The following ROBO2 variants were observed in gnomAD, a reference collection of about 807,000 sequenced individuals.
The protein encoded by ROBO2 is roundabout guidance receptor 2.
In ROBO2, 53 loss-of-function variants were observed where a neutral mutation model predicts 160.8. The observed-to-expected ratio is 0.33, with a 90% CI of 0.26 to 0.41. The LOEUF is 0.41. Among genes scored for constraint, ROBO2 ranks in the 10% least tolerant of loss-of-function variants. The pLI, the probability that ROBO2 is intolerant of heterozygous loss-of-function variation, is 1.00. For synonymous variants in ROBO2, 664 were observed against 611.7 expected, an observed-to-expected ratio of 1.09 and a Z score of -1.26; for missense variants, 1,577 against 1,722.4, an observed-to-expected ratio of 0.92 and a Z score of 1.49.
At chr3:77,329,281 C>T (rs1027806266) in intron 2 of ROBO2, among the ~76,000 whole-genome samples, 1 of 152,176 alleles carries the variant, frequency 6.6e-6, no homozygotes, top group East Asian at 1.9e-4. Context: ...TAGACGGATA[C>T]GTGTGGCTAC....
intron 2 of ROBO2, among the ~76,000 whole-genome samples, chr3:76,906,489 G>A (rs1292168547): frequency 6.6e-6 from 1 of 151,582 alleles, no homozygotes; most frequent in Non-Finnish European, 1.5e-5. Context: ...TTATTCGGTG[G>A]TATCTGATAA....
At chr3:76,222,081 C>T (rs772227247) in intron 2 of ROBO2, among the ~76,000 whole-genome samples, 8 of 152,076 alleles carry the variant, frequency 5.3e-5, no homozygotes, top group Non-Finnish European at 1.2e-4. Flanking sequence ...GCTAGGTCAG[C>T]CTTGGTGAGT....
At chr3:76,929,379 T>G (rs2077192821) in intron 2 of ROBO2, among the ~76,000 whole-genome samples, 1 of 152,130 alleles carries the variant, frequency 6.6e-6, no homozygotes, top group African/African-American at 2.4e-5. Context: ...CTTGGAGACA[T>G]TTTCTACTCC....
chr3:75,999,409 T>A (rs2065819454), intron 2 of ROBO2, among the ~76,000 whole-genome samples: 1 of 152,206 alleles, frequency 6.6e-6, no homozygotes, highest in Non-Finnish European at 1.5e-5. Context: ...AGTTTTAGGT[T>A]CACAGCAAAA....
In ROBO2 at chr3:77,137,322, G is replaced by T. The variant is rs149675568; in HGVS notation, c.388+38982G>T. ...GCTCACTGCAACCTGCACCTCCCAG[G>T]TTCAAGGGATTCCCCTGCCTCAGCC... On this transcript the variant is annotated intron_variant, in intron 2 of 25. Transcript: ENST00000461745. Among the ~76,000 whole-genome samples the T allele has an allele frequency of 3.4e-3, 515 of 152,186 alleles. 2 individuals are homozygous for T. Among genetic ancestry groups the T allele is most frequent in the African/African-American group, 0.012 (499 of 41,536 alleles).
intron 1 of ROBO2, among the ~76,000 whole-genome samples, chr3:77,090,390 G>T (rs2070022649): frequency 8.8e-6 from 1 of 113,626 alleles, no homozygotes; most frequent in Admixed American, 1.3e-4. Flanking sequence ...GTTTCGCTCT[G>T]TGGCCCAGGC....
intron 2 of ROBO2, among the ~76,000 whole-genome samples, chr3:77,416,942 C>A (rs954250140): frequency 6.6e-6 from 1 of 152,034 alleles, no homozygotes; most frequent in Non-Finnish European, 1.5e-5. Flanking sequence ...GAGGATGAGA[C>A]AGATTTGGTC....
chr3:76,161,481 T>C (rs2072637057), intron 2 of ROBO2, among the ~76,000 whole-genome samples: 1 of 152,134 alleles, frequency 6.6e-6, no homozygotes, highest in Non-Finnish European at 1.5e-5. Flanking sequence ...AGCTAAAATA[T>C]TGAGAATTTC....
At chr3:76,538,393 A>AT (rs953458291) in intron 2 of ROBO2, among the ~76,000 whole-genome samples, 6 of 151,958 alleles carry the variant, frequency 3.9e-5, no homozygotes, top group African/African-American at 4.8e-5. Context: ...ATCCAGACTT[A>AT]TTTTTTCCTT....
chr3:76,621,843 A>G (rs2089110824), intron 2 of ROBO2, among the ~76,000 whole-genome samples: 2 of 152,212 alleles, frequency 1.3e-5, no homozygotes, highest in African/African-American at 4.8e-5. Flanking sequence ...AGTAATGCAT[A>G]ATAAAATGCC....
chr3:76,834,969 A>G (rs557328433), intron 2 of ROBO2, among the ~76,000 whole-genome samples: 3 of 152,138 alleles, frequency 2.0e-5, no homozygotes, highest in Non-Finnish European at 2.9e-5. Context: ...GAAAAATTCA[A>G]CTAAGTCTAT....
intron 2 of ROBO2, among the ~76,000 whole-genome samples, chr3:76,759,501 T>C (rs964286257): frequency 1.3e-5 from 2 of 151,740 alleles, no homozygotes; most frequent in African/African-American, 4.8e-5. Flanking sequence ...TTAATATATA[T>C]AGAAGGTTGG....
At chr3:76,763,666 GA>G (rs2061430033) in intron 2 of ROBO2, among the ~76,000 whole-genome samples, 1 of 151,466 alleles carries the variant, frequency 6.6e-6, no homozygotes, top group African/African-American at 2.4e-5. Context: ...CTACGGCTTT[GA>G]AAGCTAACTG....
At chr3:76,373,122 G>C (rs546281458) in intron 2 of ROBO2, among the ~76,000 whole-genome samples, 1 of 152,032 alleles carries the variant, frequency 6.6e-6, no homozygotes, top group South Asian at 2.1e-4. Context: ...TTCATTCCAT[G>C]GAACTAGAGA....
At chr3:76,137,498 A>C (rs2071474630) in intron 2 of ROBO2, among the ~76,000 whole-genome samples, 1 of 152,050 alleles carries the variant, frequency 6.6e-6, no homozygotes, top group South Asian at 2.1e-4. Context: ...TTCTGTTTAG[A>C]AATAACTCCA....
chr3:77,602,477 A>T, exon 20 of ROBO2: 1 of 1,614,140 alleles, frequency 6.2e-7, no homozygotes, highest in Non-Finnish European at 8.5e-7. Context: ...CCTGATCAGA[A>T]CAAAGGTAAC....
chr3:77,279,431 A>G (rs1461982498), intron 2 of ROBO2, among the ~76,000 whole-genome samples: 2 of 152,144 alleles, frequency 1.3e-5, no homozygotes, highest in Non-Finnish European at 2.9e-5. Flanking sequence ...GCATTTGAAA[A>G]AGACATTTGA....
chr3:76,236,793 A>C (rs2107496911), intron 2 of ROBO2, among the ~76,000 whole-genome samples: 1 of 152,242 alleles, frequency 6.6e-6, no homozygotes, highest in South Asian at 2.1e-4. Context: ...TTGAATAGAC[A>C]GTTCAGAATT....
chr3:76,710,478 T>A (rs2093269865), intron 2 of ROBO2, among the ~76,000 whole-genome samples: 1 of 152,134 alleles, frequency 6.6e-6, no homozygotes, highest in Non-Finnish European at 1.5e-5. Flanking sequence ...AAGAAGACAT[T>A]ATTTAAACTA....
Sources: allele counts gnomAD v4.1 joint callset (sites outside exome capture counted in the v4.1 genomes callset), GRCh38; gene constraint gnomAD v4.1.1; transcripts MANE v1.5; gene names NCBI Gene and HGNC (gene_info 2026-07-23, HGNC 2026-07-21).